Variants in SDCCAG8 observed in about 807,000 individuals in gnomAD.
SDCCAG8 encodes the protein serologically defined colon cancer antigen 8.
In SDCCAG8, 74 loss-of-function variants were observed where a neutral mutation model predicts 101.8. The ratio of observed to expected loss-of-function variants is 0.73; its 90% CI spans 0.60 to 0.88. The LOEUF is 0.88. Among genes scored for constraint, SDCCAG8 ranks in the 40% least tolerant of loss-of-function variants. The pLI, the probability that SDCCAG8 is intolerant of heterozygous loss-of-function variation, is 0.00. For missense variants in SDCCAG8, 787 were observed against 822.6 expected, an observed-to-expected ratio of 0.96 and a Z score of 0.53; for synonymous variants, 281 against 292.9, an observed-to-expected ratio of 0.96 and a Z score of 0.41.
At chr1:243,436,040 A>G (rs1453155374) in intron 16 of SDCCAG8, among the ~76,000 whole-genome samples, 1 of 152,128 alleles carries the variant, frequency 6.6e-6, no homozygotes, top group Non-Finnish European at 1.5e-5. Context: ...GGACATCATA[A>G]TCACCCAAAG....
At chr1:243,291,256 A>G (rs10803134) in intron 5 of SDCCAG8, among the ~76,000 whole-genome samples, 146,126 of 152,310 alleles carry the variant, frequency 0.96, 70,386 homozygotes, top group East Asian at 1. Context: ...TCCCCAGATC[A>G]TTGGGCTGCT....
Position 243,262,104 on chromosome 1 carries a change from C to CTGGCCTCATGTGGCTCTTCTTAGTG in SDCCAG8, c.67+5864_67+5865insTGGCCTCATGTGGCTCTTCTTAGTG, listed in dbSNP as rs1202709875. 1.4e-3 allele frequency among the ~76,000 whole-genome samples: 201 copies of CTGGCCTCATGTGGCTCTTCTTAGTG among 147,092 alleles called. 2 individuals are homozygous for CTGGCCTCATGTGGCTCTTCTTAGTG. The highest frequency in any genetic ancestry group is 3.5e-3 in the Middle Eastern group (1 of 282). On this transcript the variant is annotated intron_variant, in intron 1 of 17. Transcript: ENST00000366541. Reference sequence around the variant, plus strand: ...GGATTACAGGCATGAGCCACGGTGCCCGACTTTTTTTTTTTCTTTTGAGAC... The same window carrying CTGGCCTCATGTGGCTCTTCTTAGTG: ...GGATTACAGGCATGAGCCACGGTGCCTGGCCTCATGTGGCTCTTCTTAGTGCGACTTTTTTTTTTTCTTTTGAGAC...
At chr1:243,419,082 G>A (rs1361544560) in intron 15 of SDCCAG8, among the ~76,000 whole-genome samples, 1 of 152,040 alleles carries the variant, frequency 6.6e-6, no homozygotes. Flanking sequence ...GCATCAACAA[G>A]CTGTCTTAGC....
intron 16 of SDCCAG8, among the ~76,000 whole-genome samples, chr1:243,464,552 A>G (rs1334069521): frequency 1.3e-5 from 2 of 152,258 alleles, no homozygotes; most frequent in South Asian, 2.1e-4. Context: ...ATTATTACAC[A>G]TATTTACACA....
Position 243,499,994 on chromosome 1 carries a change from TG to T in SDCCAG8, c.*210del, listed in dbSNP as rs3831932. On this transcript the variant is annotated 3_prime_UTR_variant, in exon 18 of 18. Coordinates refer to ENST00000366541, the MANE Select transcript of SDCCAG8 (RefSeq NM_006642.5). ...GACTCTAGCTGAGCAGAGCTCCTGG[TG>T]TATGTTTTCAGAAATGGCTTGAAGT... The T allele has an allele frequency of 1.7e-4, 102 of 602,494 alleles. No homozygotes were observed. In the East Asian group the frequency reaches 2.7e-3, roughly 16 times the overall value. The allele number at this position is 602,494 out of a possible 1,614,324, so 37.3% of individuals were successfully genotyped here. A position where few individuals can be genotyped will look rare whatever the true frequency, so the allele number is the denominator to read the frequency against.
At chr1:243,369,929 A>T (rs2077192909) in intron 12 of SDCCAG8, among the ~76,000 whole-genome samples, 1 of 151,766 alleles carries the variant, frequency 6.6e-6, no homozygotes, top group Non-Finnish European at 1.5e-5. Flanking sequence ...TTTTCACTTC[A>T]TCTCTTTTTA....
intron 1 of SDCCAG8, among the ~76,000 whole-genome samples, chr1:243,259,678 G>T (rs995489339): frequency 6.6e-6 from 1 of 152,004 alleles, no homozygotes; most frequent in Non-Finnish European, 1.5e-5. Context: ...AATGAGCCAG[G>T]CGTGGTGGCA....
intron 12 of SDCCAG8, among the ~76,000 whole-genome samples, chr1:243,354,430 T>C (rs888889084): frequency 6.6e-6 from 1 of 152,232 alleles, no homozygotes; most frequent in African/African-American, 2.4e-5. Context: ...AACAATAAAA[T>C]GTCTAGCCTT....
rs559507631 is a variant in SDCCAG8 at position 243,401,001 on chromosome 1, G to A, written c.1617-14701G>A. On this transcript the variant is annotated intron_variant, in intron 13 of 17. Transcript: ENST00000366541. ...TCATGGGCAATAAGCTCTGGAAGTC[G>A]GGAAGTTTAGCACTCATAATGTGCT... is the stretch of plus-strand genomic sequence containing the variant. Among the ~76,000 whole-genome samples the A allele has an allele frequency of 1.8e-4, 28 of 152,234 alleles. No homozygotes were observed. The South Asian group carries it at 3.9e-3, about 21-fold the overall frequency.
At chr1:243,475,340 C>T (rs1662192587) in intron 16 of SDCCAG8, among the ~76,000 whole-genome samples, 1 of 152,188 alleles carries the variant, frequency 6.6e-6, no homozygotes, top group Admixed American at 6.5e-5. Context: ...CCAGCAGGTG[C>T]TCACCAGGAG....
At chr1:243,411,015 A>G (rs1305651062) in intron 13 of SDCCAG8, among the ~76,000 whole-genome samples, 1 of 152,240 alleles carries the variant, frequency 6.6e-6, no homozygotes, top group Non-Finnish European at 1.5e-5. Flanking sequence ...GACATGGCCT[A>G]CATACGCCTG....
Position 243,489,156 on chromosome 1 carries a change from C to A in SDCCAG8, c.2112+16C>A. On this transcript the variant is annotated intron_variant, in intron 17 of 17. Transcript: ENST00000366541. ...GCGGACCCAGGTACTGTGCAGAACG[C>A]GGCGCAGGTGGGAGTCCTTGGGCGG... is the stretch of plus-strand genomic sequence containing the variant. The A allele has an allele frequency of 6.2e-7, 1 of 1,610,828 alleles. No homozygotes were observed. Among genetic ancestry groups the A allele is most frequent in the South Asian group, 1.1e-5 (1 of 90,818 alleles).
chr1:243,384,193 G>C (rs527821730), intron 13 of SDCCAG8, among the ~76,000 whole-genome samples: 5 of 152,316 alleles, frequency 3.3e-5, no homozygotes, highest in African/African-American at 1.2e-4. Flanking sequence ...CTTCAAGTAG[G>C]AGGAGAGGTC....
chr1:243,498,573 T>G (rs1668650348), intron 17 of SDCCAG8, among the ~76,000 whole-genome samples: 1 of 152,206 alleles, frequency 6.6e-6, no homozygotes, highest in African/African-American at 2.4e-5. Flanking sequence ...CAAGAAAAAG[T>G]TGTCCTCAGG....
intron 9 of SDCCAG8, among the ~76,000 whole-genome samples, chr1:243,318,289 T>A (rs1174736795): frequency 6.6e-6 from 1 of 152,082 alleles, no homozygotes; most frequent in Non-Finnish European, 1.5e-5. Context: ...TACGTATAAG[T>A]GGGAGCTAAA....
rs906845691 is a variant in SDCCAG8, at chr1:243,317,360, G to A, written c.1068+467G>A. Reference sequence around the variant, plus strand: ...TTTTGAGACAGAGTCTTGCCCTGTCGCCCAGGCTGGAGTGCAATGGCACGA... The same window carrying A: ...TTTTGAGACAGAGTCTTGCCCTGTCACCCAGGCTGGAGTGCAATGGCACGA... On this transcript the variant is annotated intron_variant, in intron 9 of 17. Coordinates refer to ENST00000366541, the MANE Select transcript of SDCCAG8 (RefSeq NM_006642.5). Among the ~76,000 whole-genome samples the A allele has an allele frequency of 1.6e-4, 22 of 139,186 alleles. No homozygotes were observed. The East Asian group carries it at 1.9e-3, about 12-fold the overall frequency. The allele number at this position is 139,186 out of a possible 152,430, so 91.3% of individuals were successfully genotyped here. A position where few individuals can be genotyped will look rare whatever the true frequency, so the allele number is the denominator to read the frequency against.
intron 1 of SDCCAG8, among the ~76,000 whole-genome samples, chr1:243,264,611 A>G (rs2067443729): frequency 6.6e-6 from 1 of 152,064 alleles, no homozygotes; most frequent in South Asian, 2.1e-4. Context: ...CGAAAACTCC[A>G]TCTCAAAAAA....
intron 16 of SDCCAG8, chr1:243,476,322 C>A: frequency 1.0e-6 from 1 of 985,406 alleles, no homozygotes; most frequent in Non-Finnish European, 1.2e-6. Context: ...GAGTTGTTAT[C>A]AAATTACTTG....
At chr1:243,310,507 T>C (rs1466781413) in intron 8 of SDCCAG8, among the ~76,000 whole-genome samples, 1 of 152,062 alleles carries the variant, frequency 6.6e-6, no homozygotes, top group Non-Finnish European at 1.5e-5. Flanking sequence ...AAATTCATGG[T>C]AGTTTAAAGG....
Sources: gnomAD v4.1 joint callset for allele counts (sites outside exome capture counted in the v4.1 genomes callset) on GRCh38, gnomAD v4.1.1 for gene constraint, MANE v1.5 for transcripts, NCBI Gene and HGNC (gene_info 2026-07-23, HGNC 2026-07-21) for gene names.